The following DLC1 variants were observed in gnomAD, a reference collection of about 807,000 sequenced individuals.
The protein encoded by DLC1 is DLC1 Rho GTPase activating protein, also known as rho GTPase-activating protein 7.
A neutral mutation model predicts 140.3 loss-of-function variants in DLC1; 54 were observed. That is an observed-to-expected ratio of 0.38 (90% CI 0.31 to 0.48). The LOEUF is 0.48. Among genes scored for constraint, DLC1 ranks in the 20% least tolerant of loss-of-function variants. The pLI is 0.96. For missense variants in DLC1, 2,536 were observed against 1,907.0 expected, an observed-to-expected ratio of 1.33 and a Z score of -6.14; for synonymous variants, 986 against 728.1, an observed-to-expected ratio of 1.35 and a Z score of -5.70.
intron 2 of DLC1, among the ~76,000 whole-genome samples, chr8:13,482,700 TA>T (rs1800791587): frequency 6.6e-6 from 1 of 152,188 alleles, no homozygotes; most frequent in South Asian, 2.1e-4. Flanking sequence ...TTACGCGATT[TA>T]ATTGGAACAG....
At chr8:13,369,937 G>T (rs13271904) in intron 4 of DLC1, among the ~76,000 whole-genome samples, 1 of 150,448 alleles carries the variant, frequency 6.6e-6, no homozygotes, top group Non-Finnish European at 1.5e-5. Context: ...ATGGAAAAAG[G>T]AAAAAAAAGT....
At chr8:13,179,100 G>C (rs1350730697) in intron 5 of DLC1, among the ~76,000 whole-genome samples, 1 of 152,210 alleles carries the variant, frequency 6.6e-6, no homozygotes, top group Non-Finnish European at 1.5e-5. Context: ...GATGAAAACA[G>C]ACATGCTTCA....
chr8:13,463,003 A>G (rs1294566575), intron 2 of DLC1, among the ~76,000 whole-genome samples: 4 of 152,218 alleles, frequency 2.6e-5, no homozygotes, highest in Admixed American at 2.0e-4. Flanking sequence ...TTGGAATCAC[A>G]GGCAACATGC....
At chr8:13,569,102 C>G (rs1184378091) in intron 1 of DLC1, among the ~76,000 whole-genome samples, 1 of 152,102 alleles carries the variant, frequency 6.6e-6, no homozygotes, top group Non-Finnish European at 1.5e-5. Context: ...ACAAGGAATA[C>G]CATGGCATTT....
chr8:13,501,402 A>T (rs767388999), intron 1 of DLC1, among the ~76,000 whole-genome samples: 1 of 152,196 alleles, frequency 6.6e-6, no homozygotes, highest in Non-Finnish European at 1.5e-5. Context: ...AAACTATATT[A>T]TTGGACTGTA....
intron 1 of DLC1, among the ~76,000 whole-genome samples, chr8:13,541,990 A>G (rs1458388912): frequency 6.6e-6 from 1 of 152,114 alleles, no homozygotes; most frequent in Non-Finnish European, 1.5e-5. Flanking sequence ...TATTTTGCAA[A>G]TATTTTCTTC....
Position 13,149,619 on chromosome 8 carries a change from G to A in DLC1, c.1349-33962C>T, listed in dbSNP as rs193258617. ...ACCTTCACTCTTCCTGCCCAAGCAT[G>A]ACCAACATTAATATTTTTCACGTTC... On this transcript the variant is annotated intron_variant, in intron 5 of 17. Transcript: ENST00000276297. 1.6e-3 allele frequency among the ~76,000 whole-genome samples: 251 copies of A among 152,260 alleles called. 1 individual carries two copies. Among genetic ancestry groups the A allele is most frequent in the African/African-American group, 5.8e-3 (243 of 41,548 alleles).
chr8:13,119,113 C>T (rs778031971), intron 5 of DLC1, among the ~76,000 whole-genome samples: 2 of 151,564 alleles, frequency 1.3e-5, no homozygotes, highest in Non-Finnish European at 2.9e-5. Context: ...CCTGTTGTCT[C>T]AGCTACTTGA....
At chr8:13,399,953 T>C (rs1433213673) in intron 3 of DLC1, among the ~76,000 whole-genome samples, 2 of 152,144 alleles carry the variant, frequency 1.3e-5, no homozygotes, top group African/African-American at 4.8e-5. Flanking sequence ...GTTTGTCCTC[T>C]GTATCTGGGT....
intron 4 of DLC1, among the ~76,000 whole-genome samples, chr8:13,307,363 TTTC>T (rs1246232783): frequency 6.6e-6 from 1 of 152,172 alleles, no homozygotes; most frequent in East Asian, 1.9e-4. Flanking sequence ...TCATCTGACT[TTTC>T]TTCTTCTTCA....
intron 8 of DLC1, among the ~76,000 whole-genome samples, chr8:13,102,302 C>T (rs1451669249): frequency 6.6e-6 from 1 of 152,170 alleles, no homozygotes; most frequent in African/African-American, 2.4e-5. Context: ...GTGGGATCTC[C>T]TGCCTTCTCC....
At chr8:13,365,029 C>G (rs1563287430) in intron 4 of DLC1, among the ~76,000 whole-genome samples, 1 of 152,192 alleles carries the variant, frequency 6.6e-6, no homozygotes, top group East Asian at 1.9e-4. Context: ...ACACTTTCTT[C>G]AACTAGGACA....
chr8:13,287,570 T>C (rs940732695), intron 5 of DLC1, among the ~76,000 whole-genome samples: 42 of 152,324 alleles, frequency 2.8e-4, no homozygotes, highest in African/African-American at 9.9e-4. Context: ...AAACCCTTGT[T>C]GGTATTTGTA....
Position 13,187,177 on chromosome 8 carries a change from C to T in DLC1, c.1349-71520G>A, listed in dbSNP as rs192174813. Among the ~76,000 whole-genome samples, 271 of 152,218 alleles carry T rather than the reference C, an allele frequency of 1.8e-3. 1 individual carries two copies. The highest frequency in any genetic ancestry group is 6.9e-3 in the South Asian group (33 of 4,814). ...CTTTTTTTTCCATAGCACTTATTAC[C>T]TTCCAATGTAAGAATCTATACAGAA... On this transcript the variant is annotated intron_variant, in intron 5 of 17. Transcript: ENST00000276297.
At chr8:13,582,307 T>G (rs1805132933) in intron 1 of DLC1, among the ~76,000 whole-genome samples, 1 of 152,174 alleles carries the variant, frequency 6.6e-6, no homozygotes, top group Non-Finnish European at 1.5e-5. Flanking sequence ...TAGGTACATG[T>G]GATGGTTAAT....
intron 1 of DLC1, among the ~76,000 whole-genome samples, chr8:13,579,404 A>ATGTT (rs1213413157): frequency 0.08 from 4,672 of 58,708 alleles, 2,038 homozygotes; most frequent in Non-Finnish European, 0.11. Context: ...TTATATATTT[A>ATGTT]ATATATTATA....
chr8:13,520,339 T>C (rs1303492822), intron 1 of DLC1, among the ~76,000 whole-genome samples: 1 of 152,158 alleles, frequency 6.6e-6, no homozygotes, highest in Admixed American at 6.5e-5. Context: ...TGGATGAAGC[T>C]GGAAACCATC....
chr8:13,576,481 A>G (rs1324038174), intron 1 of DLC1, among the ~76,000 whole-genome samples: 1 of 152,232 alleles, frequency 6.6e-6, no homozygotes, highest in Admixed American at 6.5e-5. Flanking sequence ...TATATAAAAA[A>G]TGTAAACATA....
intron 5 of DLC1, among the ~76,000 whole-genome samples, chr8:13,125,431 G>C (rs982198424): frequency 4.6e-5 from 7 of 152,200 alleles, no homozygotes; most frequent in Non-Finnish European, 1.0e-4. Flanking sequence ...ATGCATAGAA[G>C]GCTCTTAAGA....
Sources: gnomAD v4.1 joint callset for allele counts (sites outside exome capture counted in the v4.1 genomes callset) on GRCh38, gnomAD v4.1.1 for gene constraint, MANE v1.5 for transcripts, NCBI Gene and HGNC (gene_info 2026-07-23, HGNC 2026-07-21) for gene names.